The following MYRIP variants were observed in gnomAD, a reference collection of about 807,000 sequenced individuals.
MYRIP encodes rab effector MyRIP.
In MYRIP, 49 loss-of-function variants were observed where a neutral mutation model predicts 98.0. That is an observed-to-expected ratio of 0.50 (90% CI 0.40 to 0.63). MYRIP has a LOEUF of 0.63. MYRIP is among the 30% of genes least tolerant of loss of function. The probability of loss-of-function intolerance (pLI) is 0.00; values close to 1 mark genes in which losing one functional copy is unlikely to be tolerated. For missense variants in MYRIP, 1,004 were observed against 1,058.2 expected (o/e 0.95, Z 0.71); for synonymous variants, 404 against 409.5 (o/e 0.99, Z 0.16).
At chr3:40,031,515 G>A (rs1947260371) in intron 2 of MYRIP, among the ~76,000 whole-genome samples, 1 of 152,110 alleles carries the variant, frequency 6.6e-6, no homozygotes, top group African/African-American at 2.4e-5. Context: ...CAAGGCAGCT[G>A]AAAATGAGAT....
chr3:40,215,089 T>C (rs754162628), intron 11 of MYRIP, among the ~76,000 whole-genome samples: 14 of 152,194 alleles, frequency 9.2e-5, no homozygotes, highest in Non-Finnish European at 1.9e-4. Context: ...TTTTGGAACA[T>C]GAGCATTTAT....
intron 2 of MYRIP, among the ~76,000 whole-genome samples, chr3:40,004,198 G>A (rs1435587316): frequency 6.6e-6 from 1 of 152,140 alleles, no homozygotes; most frequent in Non-Finnish European, 1.5e-5. Flanking sequence ...CCTTTTACCT[G>A]AGGGGCTTAC....
intron 2 of MYRIP, among the ~76,000 whole-genome samples, chr3:40,005,474 G>C (rs1045702466): frequency 1.3e-5 from 2 of 152,230 alleles, no homozygotes; most frequent in South Asian, 4.1e-4. Context: ...TGTGTCACTT[G>C]TTCCAAGGTA....
At chr3:39,834,692 A>G in intron 1 of MYRIP, among the ~76,000 whole-genome samples, 1 of 152,280 alleles carries the variant, frequency 6.6e-6, no homozygotes, top group Non-Finnish European at 1.5e-5. Context: ...ACCACAAAAT[A>G]ATCTAATTAT....
chr3:40,085,009 C>A (rs1022127479), intron 3 of MYRIP, among the ~76,000 whole-genome samples: 6 of 149,672 alleles, frequency 4.0e-5, no homozygotes, highest in African/African-American at 9.8e-5. Flanking sequence ...TGTTATATAT[C>A]GATAGATAAT....
At chr3:39,911,093 C>T (rs1944010681) in intron 2 of MYRIP, among the ~76,000 whole-genome samples, 2 of 152,172 alleles carry the variant, frequency 1.3e-5, no homozygotes, top group South Asian at 4.1e-4. Flanking sequence ...ACAGAATGAA[C>T]CCTTTCATGT....
At chr3:39,827,884 T>C (rs1310124838) in intron 1 of MYRIP, among the ~76,000 whole-genome samples, 1 of 152,004 alleles carries the variant, frequency 6.6e-6, no homozygotes, top group African/African-American at 2.4e-5. Flanking sequence ...GGCAGTTTTT[T>C]TTTCTTTCAG....
intron 2 of MYRIP, among the ~76,000 whole-genome samples, chr3:39,973,830 T>C (rs1945668401): frequency 6.6e-6 from 1 of 152,066 alleles, no homozygotes; most frequent in Admixed American, 6.5e-5. Context: ...AAGGCAGAAA[T>C]AAAGATGTTC....
intron 3 of MYRIP, among the ~76,000 whole-genome samples, chr3:40,067,337 G>C (rs551227292): frequency 6.6e-5 from 10 of 152,272 alleles, no homozygotes; most frequent in South Asian, 6.2e-4. Flanking sequence ...CTGGGTGGGA[G>C]AAAGACTCAG....
rs962379644 is a variant in MYRIP at position 40,209,994 on chromosome 3, G to A, written c.1806G>A (p.Gly602=). 9 of 1,613,974 alleles carry A rather than the reference G, an allele frequency of 5.6e-6. No homozygotes were observed. Among genetic ancestry groups the A allele is most frequent in the Admixed American group, 3.3e-5 (2 of 59,976 alleles). Residue 602 remains glycine (G), a synonymous_variant, in exon 11 of 17, where the codon GGG becomes GGA. Coordinates refer to ENST00000302541, the MANE Select transcript of MYRIP (RefSeq NM_015460.4). ...TGAGTGAAAAGGAGACTTCTTCAGG[G>A]GAGGATCAGGAGTCTGAGCCCAAGA... is the stretch of plus-strand genomic sequence containing the variant. ...MKMSEKETSS[G]EDQESEPKTE...
chr3:40,217,287 A>G (rs1470858638), intron 11 of MYRIP, among the ~76,000 whole-genome samples: 1 of 152,146 alleles, frequency 6.6e-6, no homozygotes, highest in African/African-American at 2.4e-5. Flanking sequence ...ACCACCAAAA[A>G]TTTACAAATT....
chr3:40,161,151 A>G (rs1950384943), intron 4 of MYRIP, among the ~76,000 whole-genome samples: 1 of 152,222 alleles, frequency 6.6e-6, no homozygotes, highest in African/African-American at 2.4e-5. Context: ...CTGCCAACTC[A>G]TGAAAAATAG....
At chr3:39,946,066 A>T (rs888264496) in intron 2 of MYRIP, among the ~76,000 whole-genome samples, 3 of 152,140 alleles carry the variant, frequency 2.0e-5, no homozygotes, top group African/African-American at 7.2e-5. Flanking sequence ...TAGAACAAAG[A>T]TCTAAGAAAG....
intron 1 of MYRIP, among the ~76,000 whole-genome samples, chr3:39,836,654 A>G (rs978547439): frequency 6.6e-6 from 1 of 152,224 alleles, no homozygotes; most frequent in African/African-American, 2.4e-5. Context: ...CTGCTTTGCC[A>G]GTCCAGCTGA....
chr3:40,205,067 C>A (rs987466991), intron 10 of MYRIP, among the ~76,000 whole-genome samples: 2 of 152,108 alleles, frequency 1.3e-5, no homozygotes, highest in Non-Finnish European at 2.9e-5. Flanking sequence ...CACACAGGTG[C>A]CAGGAAGGAC....
intron 2 of MYRIP, among the ~76,000 whole-genome samples, chr3:39,961,499 C>T (rs1048876486): frequency 6.6e-6 from 1 of 152,078 alleles, no homozygotes; most frequent in African/African-American, 2.4e-5. Flanking sequence ...TTGCGAGTCC[C>T]ATTTTCCTTT....
At chr3:40,214,824 C>T (rs1038064834) in intron 11 of MYRIP, among the ~76,000 whole-genome samples, 5 of 152,056 alleles carry the variant, frequency 3.3e-5, no homozygotes, top group Non-Finnish European at 7.4e-5. Context: ...CCTCTAGGGA[C>T]GCAGCTGCTG....
At chr3:39,824,464 A>G (rs562164347) in intron 1 of MYRIP, among the ~76,000 whole-genome samples, 1 of 152,078 alleles carries the variant, frequency 6.6e-6, no homozygotes, top group South Asian at 2.1e-4. Context: ...CATTTTAATT[A>G]TATTCATTAT....
intron 1 of MYRIP, among the ~76,000 whole-genome samples, chr3:39,859,230 T>A (rs1301104229): frequency 3.3e-5 from 5 of 151,702 alleles, no homozygotes; most frequent in Non-Finnish European, 7.4e-5. Context: ...CAAAGGATCA[T>A]AAGAAAGCAC....
Sources: allele counts gnomAD v4.1 joint callset (sites outside exome capture counted in the v4.1 genomes callset), GRCh38; gene constraint gnomAD v4.1.1; transcripts MANE v1.5; gene names NCBI Gene and HGNC (gene_info 2026-07-23, HGNC 2026-07-21).